Variants in NEIL2 observed in about 807,000 individuals in gnomAD.
NEIL2 encodes endonuclease 8-like 2.
A neutral mutation model predicts 22.2 loss-of-function variants in NEIL2; 23 were observed. The observed-to-expected ratio is 1.04, with a 90% CI of 0.75 to 1.47. The LOEUF is 1.47. Among genes scored for constraint, NEIL2 ranks in the 40% most tolerant of loss-of-function variants. The probability of loss-of-function intolerance (pLI) is 0.00; values close to 1 mark genes in which losing one functional copy is unlikely to be tolerated. For synonymous variants in NEIL2, 229 were observed against 164.8 expected (o/e 1.39, Z -2.99); for missense variants, 583 against 404.7 (o/e 1.44, Z -3.78).
chr8:11,772,127 C>T (rs955449632), intron 2 of NEIL2, among the ~76,000 whole-genome samples: 7 of 152,064 alleles, frequency 4.6e-5, no homozygotes, highest in Non-Finnish European at 7.4e-5. Flanking sequence ...TGCTTGAACC[C>T]GGGAGGCCGA....
At chr8:11,770,503 A>G (rs1168087422) in intron 1 of NEIL2, among the ~76,000 whole-genome samples, 168 bp downstream of exon 1, 1 of 152,206 alleles carries the variant, frequency 6.6e-6, no homozygotes, top group African/African-American at 2.4e-5. Context: ...GAGAATGCCG[A>G]GATTGTGAGC....
At chr8:11,778,437 T>C (rs4840583) in intron 2 of NEIL2, among the ~76,000 whole-genome samples, 69,331 of 151,874 alleles carry the variant, frequency 0.46, 16,961 homozygotes, top group Non-Finnish European at 0.55. Flanking sequence ...CAAGATTAAT[T>C]TGTGTACTAA....
At chr8:11,774,183 C>G (rs1050505116) in intron 2 of NEIL2, among the ~76,000 whole-genome samples, 20 of 152,160 alleles carry the variant, frequency 1.3e-4, no homozygotes, top group Admixed American at 1.3e-3. Context: ...TGAGACCAGC[C>G]TGGCCAACAT....
intron 2 of NEIL2, 79 bp from the exon 3 acceptor site, chr8:11,779,519 T>C: frequency 8.6e-7 from 1 of 1,158,594 alleles, no homozygotes; most frequent in Non-Finnish European, 1.3e-6. Flanking sequence ...GGAAGACCTT[T>C]GCAATAGGAT....
rs764096891 is a variant in NEIL2, at chr8:11,779,739, G to A, written c.280G>A (p.Gly94Arg). 20 of 1,614,070 alleles carry A rather than the reference G, an allele frequency of 1.2e-5. No homozygotes were observed. The highest frequency in any genetic ancestry group is 1.6e-4 in the Middle Eastern group (1 of 6,084). Residue 94 changes from glycine to arginine, a missense_variant, in exon 3 of 5, where the codon GGG (glycine) becomes AGG (arginine). Transcript: ENST00000284503. ...ADPKQVGEPSGQKTLDGSSRS... is the reference protein window; with the variant it reads ...ADPKQVGEPSRQKTLDGSSRS... Reference sequence around the variant, plus strand: ...CCCAAAGCAGGTCGGGGAGCCCAGCGGGCAGAAGACCCTTGATGGATCCTC... The same window carrying A: ...CCCAAAGCAGGTCGGGGAGCCCAGCAGGCAGAAGACCCTTGATGGATCCTC...
intron 2 of NEIL2, among the ~76,000 whole-genome samples, chr8:11,777,521 A>T (rs865817427): frequency 1.3e-5 from 2 of 152,172 alleles, no homozygotes; most frequent in South Asian, 4.2e-4. Flanking sequence ...TACCTGTTGA[A>T]CGCTAACTCC....
chr8:11,786,008 C>G lies in NEIL2; in HGVS notation c.734C>G (p.Pro245Arg), dbSNP rs1199384098. The G allele has an allele frequency of 1.5e-5, 24 of 1,614,132 alleles. No homozygotes were observed. Among genetic ancestry groups the G allele is most frequent in the Non-Finnish European group, 2.0e-5 (24 of 1,180,030 alleles). The change falls in exon 5 of 5, where the codon CCC becomes CGC. Residue 245 changes from proline (P) to arginine (R), a missense_variant. Coordinates refer to ENST00000284503, the MANE Select transcript of NEIL2 (RefSeq NM_145043.4). ...GCCTTGTACAGAGCTGGGATCCATCCCCTTTCTCTCGGTTCAGTCCTGAGT... is the reference window on the plus strand; with the variant it reads ...GCCTTGTACAGAGCTGGGATCCATCGCCTTTCTCTCGGTTCAGTCCTGAGT... The part of the protein sequence containing the change: ...NEALYRAGIH[P>R]LSLGSVLSAS...
At chr8:11,776,762 C>A (rs1213762818) in intron 2 of NEIL2, among the ~76,000 whole-genome samples, 1 of 152,180 alleles carries the variant, frequency 6.6e-6, no homozygotes, top group African/African-American at 2.4e-5. Context: ...CCCCTGGGTT[C>A]TCTCTTCCTT....
chr8:11,785,127 C>G (rs1804784061), intron 4 of NEIL2, among the ~76,000 whole-genome samples: 1 of 152,148 alleles, frequency 6.6e-6, no homozygotes, highest in African/African-American at 2.4e-5. Flanking sequence ...CTGCCTCTGC[C>G]TCCCAAAGTG....
rs1804891481 is a variant in NEIL2, at chr8:11,785,962, G to C, written c.689-1G>C. 1 of 1,613,702 alleles carries C rather than the reference G, an allele frequency of 6.2e-7. No individual in the cohort carries two copies. The highest frequency in any genetic ancestry group is 1.3e-5 in the African/African-American group (1 of 74,852). ...CCTTACCTTCCCCCGCTTTATTTCA[G>C]GGAACATCATTAAGAATGAAGCCTT... On this transcript the variant is annotated splice_acceptor_variant, in intron 4 of 4. Transcript: ENST00000284503. LOFTEE classifies it high-confidence loss of function.
chr8:11,782,197 T>C (rs1361483464), intron 3 of NEIL2, among the ~76,000 whole-genome samples: 5 of 151,956 alleles, frequency 3.3e-5, no homozygotes, highest in African/African-American at 1.2e-4. Flanking sequence ...CCGAGGCAGG[T>C]GGATCACCTG....
At chr8:11,781,984 A>C (rs1373455413) in intron 3 of NEIL2, among the ~76,000 whole-genome samples, 2 of 152,084 alleles carry the variant, frequency 1.3e-5, no homozygotes, top group Non-Finnish European at 2.9e-5. Flanking sequence ...GGGTAGTTTG[A>C]GCCAGGGAGG....
chr8:11,786,140 A>C lies in NEIL2; in HGVS notation c.866A>C (p.Glu289Ala), dbSNP rs764590524. 1 of 1,614,064 alleles carries C rather than the reference A, an allele frequency of 6.2e-7. No homozygotes were observed. The highest frequency in any genetic ancestry group is 8.5e-7 in the Non-Finnish European group (1 of 1,180,012). The change falls in exon 5 of 5, where the codon GAA (glutamate) becomes GCA (alanine). Residue 289 changes from glutamate to alanine, a missense_variant. Glu to Ala is a moderately radical substitution (Grantham distance 107). Transcript: ENST00000284503. Reference protein sequence around the residue: ...RPQHTQVYQKEQCPAGHQVMK... With the variant: ...RPQHTQVYQKAQCPAGHQVMK... ...CAGCACACACAGGTCTACCAGAAAG[A>C]ACAGTGCCCTGCTGGCCACCAGGTC...
intron 2 of NEIL2, among the ~76,000 whole-genome samples, 163 bp from the exon 3 acceptor site, chr8:11,779,435 C>T (rs999748641): frequency 6.6e-6 from 1 of 152,188 alleles, no homozygotes; most frequent in Admixed American, 6.5e-5. Context: ...GAACTGCTCA[C>T]ACCACTGGAG....
chr8:11,786,696 G>T lies in NEIL2; in HGVS notation c.*423G>T, dbSNP rs1457809009. 1 of 248,334 alleles carries T rather than the reference G, an allele frequency of 4.0e-6. No homozygotes were observed. The highest frequency in any genetic ancestry group is 7.9e-6 in the Non-Finnish European group (1 of 126,920). 15.4% of individuals were successfully genotyped at this position (248,334 alleles called of 1,614,324 possible). A position where few individuals can be genotyped will look rare whatever the true frequency, so the allele number is the denominator to read the frequency against. The stretch of plus-strand genomic sequence containing the variant: ...GCTCTGTCTCCCTGGCTAGGGTGTG[G>T]TGGTGTGATCTTGGCTCACGGCAGC... On this transcript the variant is annotated 3_prime_UTR_variant, in exon 5 of 5. Coordinates refer to ENST00000284503, the MANE Select transcript of NEIL2 (RefSeq NM_145043.4).
At position 11,785,951 on chromosome 8, in the gene NEIL2, G is replaced by A. The variant is rs199672910; in HGVS notation, c.689-12G>A. 6 of 1,613,236 alleles carry A rather than the reference G, an allele frequency of 3.7e-6. No individual in the cohort carries two copies. Among genetic ancestry groups the A allele is most frequent in the African/African-American group, 2.7e-5 (2 of 74,850 alleles). On this transcript the variant is annotated splice_polypyrimidine_tract_variant and intron_variant, in intron 4 of 4. Transcript: ENST00000284503. ...CTTTGTCCTTCCCTTACCTTCCCCCGCTTTATTTCAGGGAACATCATTAAG... is the reference window on the plus strand; with the variant it reads ...CTTTGTCCTTCCCTTACCTTCCCCCACTTTATTTCAGGGAACATCATTAAG...
rs1454349770 is a variant in NEIL2 at position 11,773,775 on chromosome 8, C to T, written c.138+2190C>T. Among the ~76,000 whole-genome samples the T allele has an allele frequency of 2.0e-5, 3 of 152,236 alleles. No homozygotes were observed. In the East Asian group the frequency reaches 5.8e-4, roughly 29 times the overall value. On this transcript the variant is annotated intron_variant, in intron 2 of 4. Transcript: ENST00000284503. Reference sequence around the variant, plus strand: ...GCACATCCTTTTCTTGTCAGCTCTCCATTTTCTATATAGGAGTTGTGTTGG... The same window carrying T: ...GCACATCCTTTTCTTGTCAGCTCTCTATTTTCTATATAGGAGTTGTGTTGG...
At chr8:11,779,989 G>A (rs765470461) in intron 3 of NEIL2, 39 bp downstream of exon 3, 4 of 1,541,462 alleles carry the variant, frequency 2.6e-6, no homozygotes, top group Non-Finnish European at 2.7e-6. Flanking sequence ...GGCTCTGATA[G>A]TCATAGGGCC....
intron 2 of NEIL2, 143 bp from the exon 3 acceptor site, chr8:11,779,454 CA>C (rs1804199081): frequency 2.7e-6 from 2 of 743,804 alleles, no homozygotes; most frequent in Non-Finnish European, 2.3e-6. Flanking sequence ...AGCAAAAGAG[CA>C]AAAGGCAGAG....
Sources: allele counts gnomAD v4.1 joint callset (sites outside exome capture counted in the v4.1 genomes callset), GRCh38; gene constraint gnomAD v4.1.1; transcripts MANE v1.5; gene names NCBI Gene and HGNC (gene_info 2026-07-23, HGNC 2026-07-21).